Variants in B4GALNT3 observed in about 807,000 individuals in gnomAD.
B4GALNT3 encodes beta-1,4-N-acetylgalactosaminyltransferase 3.
A neutral mutation model predicts 120.2 loss-of-function variants in B4GALNT3; 86 were observed. That is an observed-to-expected ratio of 0.72 (90% CI 0.60 to 0.86). The LOEUF is 0.86. Among genes scored for constraint, B4GALNT3 ranks in the 40% least tolerant of loss-of-function variants. B4GALNT3 has a pLI of 0.00. For synonymous variants in B4GALNT3, 518 were observed against 510.4 expected (o/e 1.01, Z -0.20); for missense variants, 1,167 against 1,298.9 (o/e 0.90, Z 1.56).
chr12:529,079 G>A (rs975168656), intron 1 of B4GALNT3, among the ~76,000 whole-genome samples: 4 of 152,072 alleles, frequency 2.6e-5, no homozygotes, highest in Non-Finnish European at 4.4e-5. Context: ...CTTCTCCCTC[G>A]CTTTCCTAGG....
chr12:460,435 G>A lies in B4GALNT3; in HGVS notation c.59G>A (p.Arg20Gln), dbSNP rs767943173. 6 of 1,566,302 alleles carry A rather than the reference G, an allele frequency of 3.8e-6. No homozygotes were observed. Among genetic ancestry groups the A allele is most frequent in the Non-Finnish European group, 5.2e-6 (6 of 1,159,070 alleles). The stretch of plus-strand genomic sequence containing the variant: ...CTCCTGCGCCCGGTGAAGCTGCTGC[G>A]GAGGCGCTTCCGGCTGCTGCTGGCG... Reference protein sequence around the residue: ...PLLLRPVKLLRRRFRLLLALA... With the variant: ...PLLLRPVKLLQRRFRLLLALA... Residue 20 changes from arginine (R) to glutamine (Q), a missense_variant, in exon 1 of 20, where the codon CGG becomes CAG. Coordinates refer to ENST00000266383, the MANE Select transcript of B4GALNT3 (RefSeq NM_173593.4). The surrounding 1 kb of genome is among the most constrained non-coding windows in gnomAD (Gnocchi z 8.0).
intron 3 of B4GALNT3, among the ~76,000 whole-genome samples, chr12:537,958 G>A (rs1946878065): frequency 6.6e-6 from 1 of 152,150 alleles, no homozygotes; most frequent in African/African-American, 2.4e-5. Context: ...AGCCCTGGGA[G>A]AGGATGGATT....
chr12:538,349 G>C (rs949234093), intron 3 of B4GALNT3, among the ~76,000 whole-genome samples: 8 of 152,060 alleles, frequency 5.3e-5, no homozygotes, highest in Middle Eastern at 6.8e-3. Flanking sequence ...TTGAGCCCAG[G>C]AGTTCCAGAC....
At chr12:498,791 A>G (rs1337349257) in intron 1 of B4GALNT3, among the ~76,000 whole-genome samples, 2 of 152,210 alleles carry the variant, frequency 1.3e-5, no homozygotes. Context: ...GGTTCCTTCA[A>G]GCACGCTGGA....
chr12:551,577 C>A (rs1040500313), intron 11 of B4GALNT3, among the ~76,000 whole-genome samples: 1 of 152,174 alleles, frequency 6.6e-6, no homozygotes, highest in African/African-American at 2.4e-5. Context: ...GAGGCATCAC[C>A]AGGTCAGAGA....
chr12:478,843 T>A (rs868275574), intron 1 of B4GALNT3, among the ~76,000 whole-genome samples: 3 of 152,340 alleles, frequency 2.0e-5, no homozygotes, highest in Middle Eastern at 3.4e-3. Flanking sequence ...CAGCTGTGGT[T>A]ACCTTCAGGA....
chr12:531,732 G>A (rs1032729673), intron 1 of B4GALNT3, among the ~76,000 whole-genome samples: 12 of 152,072 alleles, frequency 7.9e-5, no homozygotes, highest in East Asian at 1.9e-4. Context: ...CATATCTTCC[G>A]ACTCCCAAAT....
At position 548,186 on chromosome 12, in the gene B4GALNT3, A is replaced by G; in HGVS notation, c.787-45A>G. 1 of 1,609,778 alleles carries G rather than the reference A, an allele frequency of 6.2e-7. No homozygotes were observed. ...GTCCCTTGACCCCTGTTGGAAATCC[A>G]GCTACCTCCCACCTTCTGCATCTAC... On this transcript the variant is annotated intron_variant, in intron 8 of 19. Transcript: ENST00000266383. The surrounding 1 kb of genome is among the most constrained non-coding windows in gnomAD (Gnocchi z 4.9).
intron 1 of B4GALNT3, among the ~76,000 whole-genome samples, chr12:498,404 T>G (rs2120529079): frequency 6.6e-6 from 1 of 152,284 alleles, no homozygotes; most frequent in African/African-American, 2.4e-5. Flanking sequence ...CTCCAAACCC[T>G]CTACCATGCA....
intron 1 of B4GALNT3, among the ~76,000 whole-genome samples, chr12:513,631 C>T (rs544918397): frequency 1.4e-4 from 22 of 152,216 alleles, no homozygotes; most frequent in Admixed American, 3.3e-4. Flanking sequence ...TACCTCCTAT[C>T]TCATTCTGTG....
intron 1 of B4GALNT3, among the ~76,000 whole-genome samples, chr12:480,783 G>A (rs1473851026): frequency 5.9e-5 from 9 of 152,176 alleles, no homozygotes; most frequent in Admixed American, 1.3e-4. Context: ...GGTCATGGAC[G>A]ATGGTCCTTA....
chr12:490,113 G>T (rs1319143293), intron 1 of B4GALNT3, among the ~76,000 whole-genome samples: 1 of 152,118 alleles, frequency 6.6e-6, no homozygotes, highest in East Asian at 1.9e-4. Flanking sequence ...AGTGCTTAGA[G>T]GGAAATTTAT....
chr12:507,915 G>A (rs1422772037), intron 1 of B4GALNT3, among the ~76,000 whole-genome samples: 1 of 151,950 alleles, frequency 6.6e-6, no homozygotes, highest in Non-Finnish European at 1.5e-5. Context: ...TAGCTTGGTG[G>A]ACACCTGCCC....
intron 3 of B4GALNT3, 103 bp downstream of exon 3, chr12:536,398 C>T (rs1946860550): frequency 8.3e-6 from 7 of 843,354 alleles, no homozygotes; most frequent in Non-Finnish European, 1.1e-5. Context: ...GACCTTCTAC[C>T]GTACCTACTC....
At chr12:542,672 G>GC (rs1946931337) in intron 3 of B4GALNT3, among the ~76,000 whole-genome samples, 1 of 152,176 alleles carries the variant, frequency 6.6e-6, no homozygotes, top group Non-Finnish European at 1.5e-5. Context: ...GCTGGCTCCT[G>GC]CCTTCCCCCT....
intron 3 of B4GALNT3, among the ~76,000 whole-genome samples, chr12:541,741 A>T (rs1307696557): frequency 1.3e-5 from 2 of 151,382 alleles, no homozygotes; most frequent in Admixed American, 6.6e-5. Context: ...GCATCATCTG[A>T]TGATCCCTTT....
At chr12:553,135 G>A in intron 13 of B4GALNT3, 59 bp from the exon 14 acceptor site, 1 of 1,584,060 alleles carries the variant, frequency 6.3e-7, no homozygotes, top group South Asian at 1.2e-5. Context: ...TGTCTTGTAT[G>A]TCTTGTTTGG....
intron 1 of B4GALNT3, among the ~76,000 whole-genome samples, chr12:477,241 A>G (rs10744648): frequency 0.45 from 68,748 of 152,036 alleles, 15,910 homozygotes; most frequent in Non-Finnish European, 0.51. Context: ...GTCAGGGAAG[A>G]TCCTTTCTTT....
At chr12:513,634 A>G (rs1013086598) in intron 1 of B4GALNT3, among the ~76,000 whole-genome samples, 1 of 152,128 alleles carries the variant, frequency 6.6e-6, no homozygotes. Flanking sequence ...CTCCTATCTC[A>G]TTCTGTGATT....
Sources: gnomAD v4.1 joint callset for allele counts (sites outside exome capture counted in the v4.1 genomes callset) on GRCh38, gnomAD v4.1.1 for gene constraint, Gnocchi (gnomAD v3.1) non-coding constraint, MANE v1.5 for transcripts, NCBI Gene and HGNC (gene_info 2026-07-23, HGNC 2026-07-21) for gene names.